Variants in FAM227B observed in about 807,000 individuals in gnomAD.
The protein encoded by FAM227B is family with sequence similarity 227 member B, also known as protein FAM227B.
Under a neutral mutation model 73.8 loss-of-function variants are expected in FAM227B, and 88 were observed. The observed-to-expected ratio is 1.19, with a 90% confidence interval of 1.00 to 1.42. The LOEUF (loss-of-function observed/expected upper bound fraction) is 1.42, where lower values mean the gene tolerates loss of function less well. FAM227B is among the 40% of genes most tolerant of loss of function. The pLI is 0.00. For synonymous variants in FAM227B, 210 were observed against 190.5 expected, an observed-to-expected ratio of 1.10 and a Z score of -0.84; for missense variants, 632 against 590.9, an observed-to-expected ratio of 1.07 and a Z score of -0.72.
chr15:49,498,448 G>A (rs1402396323), intron 11 of FAM227B, among the ~76,000 whole-genome samples: 1 of 152,150 alleles, frequency 6.6e-6, no homozygotes, highest in Non-Finnish European at 1.5e-5. Flanking sequence ...ATTTCAAACT[G>A]AAGATTTTCC....
chr15:49,582,487 T>G (rs1340531988), intron 5 of FAM227B, among the ~76,000 whole-genome samples: 1 of 152,184 alleles, frequency 6.6e-6, no homozygotes, highest in East Asian at 1.9e-4. Context: ...AGCAAGTTCT[T>G]AGAGACCTTC....
chr15:49,584,255 TA>T (rs1407952375), intron 5 of FAM227B, among the ~76,000 whole-genome samples: 2 of 151,860 alleles, frequency 1.3e-5, no homozygotes, highest in African/African-American at 2.4e-5. Flanking sequence ...AAAACTCAAA[TA>T]AAAAAATGAC....
At chr15:49,526,110 T>C (rs1463276269) in intron 10 of FAM227B, among the ~76,000 whole-genome samples, 1 of 152,050 alleles carries the variant, frequency 6.6e-6, no homozygotes, top group Non-Finnish European at 1.5e-5. Flanking sequence ...ATTTTTCTCA[T>C]CAGCATATGG....
At position 49,367,481 on chromosome 15, in the gene FAM227B, G is replaced by C; in HGVS notation, c.1238C>G (p.Thr413Ser). The change falls in exon 13 of 16, where the codon ACC becomes AGC. Residue 413 changes from threonine (T) to serine (S), a missense_variant. By Grantham distance (58) the Thr-to-Ser change is moderately conservative. Transcript: ENST00000299338. Reference sequence around the variant, plus strand: ...GAATATCTTAGTGAGTTTAATCTTGGTTTTCTTAGGTGCTTTGGAAATACC... The same window carrying C: ...GAATATCTTAGTGAGTTTAATCTTGCTTTTCTTAGGTGCTTTGGAAATACC... The part of the protein sequence containing the change: ...LAGISKAPKK[T>S]KIKLTKIFQE... The C allele has an allele frequency of 6.3e-7, 1 of 1,598,672 alleles. No homozygotes were observed. The highest frequency in any genetic ancestry group is 2.3e-5 in the East Asian group (1 of 44,362).
intron 9 of FAM227B, among the ~76,000 whole-genome samples, chr15:49,552,200 G>A (rs1320938093): frequency 6.6e-6 from 1 of 152,138 alleles, no homozygotes; most frequent in Non-Finnish European, 1.5e-5. Flanking sequence ...CTCAGCTTTT[G>A]TGTGGGAATA....
chr15:49,599,781 G>C (rs1007869624), intron 3 of FAM227B, among the ~76,000 whole-genome samples: 2 of 152,152 alleles, frequency 1.3e-5, no homozygotes, highest in Non-Finnish European at 2.9e-5. Flanking sequence ...TACTTGATAA[G>C]ACTTCAATCT....
chr15:49,546,490 G>A lies in FAM227B; in HGVS notation c.748-4684C>T, dbSNP rs147048514. On this transcript the variant is annotated intron_variant, in intron 9 of 15. Transcript: ENST00000299338. ...TATATACCCAGTAACGGGATGGCTG[G>A]GTCAAATGGTATTTCTAGTTCTAGA... 6.4e-3 allele frequency among the ~76,000 whole-genome samples: 969 copies of A among 152,204 alleles called. 36 individuals carry two copies. The East Asian group carries it at 0.095, about 15-fold the overall frequency.
At chr15:49,400,462 G>A (rs1364529362) in intron 11 of FAM227B, among the ~76,000 whole-genome samples, 1 of 105,216 alleles carries the variant, frequency 9.5e-6, no homozygotes, top group Non-Finnish European at 1.8e-5. Context: ...TCCCCATCAA[G>A]CTACCAATGA....
chr15:49,547,493 TAAAG>T (rs2072102407), intron 9 of FAM227B, among the ~76,000 whole-genome samples: 1 of 152,140 alleles, frequency 6.6e-6, no homozygotes, highest in Non-Finnish European at 1.5e-5. Flanking sequence ...GCAAATTGGA[TAAAG>T]AGTCAAGACC....
chr15:49,363,802 T>C (rs1392277624), intron 13 of FAM227B, among the ~76,000 whole-genome samples: 1 of 152,154 alleles, frequency 6.6e-6, no homozygotes, highest in Admixed American at 6.5e-5. Flanking sequence ...ATGTCTAGTT[T>C]GTTGAGGGTT....
At chr15:49,412,397 G>C (rs1215614749) in intron 11 of FAM227B, among the ~76,000 whole-genome samples, 3 of 152,068 alleles carry the variant, frequency 2.0e-5, no homozygotes, top group Admixed American at 1.3e-4. Context: ...TCTATGGAAA[G>C]AAGTATAGCT....
chr15:49,516,451 A>C (rs1190279746), intron 10 of FAM227B, among the ~76,000 whole-genome samples: 1 of 151,934 alleles, frequency 6.6e-6, no homozygotes, highest in Admixed American at 6.6e-5. Flanking sequence ...ACTTTTTAAA[A>C]ATAGATTTTG....
intron 7 of FAM227B, 103 bp downstream of exon 7, chr15:49,576,638 A>C (rs2075460779): frequency 4.3e-6 from 3 of 700,530 alleles, no homozygotes; most frequent in East Asian, 5.5e-5. Flanking sequence ...CAAAGGATCA[A>C]ATCTTGTTGA....
rs1480933893 is a variant in FAM227B, at chr15:49,587,457, C to G, written c.405+559G>C. ...TCACAAGTTTATTTATATAACAAACCTGCACATGTAACCCTGAACTGAAAA... is the reference window on the plus strand; with the variant it reads ...TCACAAGTTTATTTATATAACAAACGTGCACATGTAACCCTGAACTGAAAA... On this transcript the variant is annotated intron_variant, in intron 5 of 15. Coordinates refer to ENST00000299338, the MANE Select transcript of FAM227B (RefSeq NM_152647.3). Among the ~76,000 whole-genome samples, 6 of 152,104 alleles carry G rather than the reference C, an allele frequency of 3.9e-5. 1 individual carries two copies. The East Asian group carries it at 1.2e-3, about 29-fold the overall frequency.
At chr15:49,587,738 A>T (rs780551137) in intron 5 of FAM227B, among the ~76,000 whole-genome samples, 1 of 151,818 alleles carries the variant, frequency 6.6e-6, no homozygotes, top group African/African-American at 2.4e-5. Flanking sequence ...TGCACTACTA[A>T]GTATGTTATA....
chr15:49,402,150 T>C (rs1466205259), intron 11 of FAM227B, among the ~76,000 whole-genome samples: 3 of 152,090 alleles, frequency 2.0e-5, no homozygotes, highest in East Asian at 1.9e-4. Flanking sequence ...TCAGACTCTA[T>C]AGTTCTTTTG....
chr15:49,496,987 C>G (rs965477263), intron 11 of FAM227B, among the ~76,000 whole-genome samples: 4 of 151,776 alleles, frequency 2.6e-5, no homozygotes, highest in Admixed American at 1.3e-4. Flanking sequence ...GTTCTCAAAT[C>G]ATGAATCCTA....
intron 10 of FAM227B, among the ~76,000 whole-genome samples, chr15:49,518,822 C>T (rs1056347256): frequency 6.6e-6 from 1 of 152,154 alleles, no homozygotes; most frequent in African/African-American, 2.4e-5. Flanking sequence ...AAACTCATGT[C>T]CTGACATTTC....
At chr15:49,564,757 A>G (rs2074512678) in intron 9 of FAM227B, among the ~76,000 whole-genome samples, 1 of 152,188 alleles carries the variant, frequency 6.6e-6, no homozygotes, top group African/African-American at 2.4e-5. Context: ...CAAATACCAC[A>G]TGTTCTCACT....
Sources: gnomAD v4.1 joint callset for allele counts (sites outside exome capture counted in the v4.1 genomes callset) on GRCh38, gnomAD v4.1.1 for gene constraint, MANE v1.5 for transcripts, NCBI Gene and HGNC (gene_info 2026-07-23, HGNC 2026-07-21) for gene names.